The following USP9X variants were observed in gnomAD, a reference collection of about 807,000 sequenced individuals.
The protein encoded by USP9X is ubiquitin specific peptidase 9 X-linked.
USP9X carries 7 observed loss-of-function variants against 190.3 expected under a neutral mutation model. The observed-to-expected ratio is 0.04, with a 90% CI of 0.02 to 0.07. The LOEUF (loss-of-function observed/expected upper bound fraction) is 0.07, where lower values mean the gene tolerates loss of function less well. Ranked by LOEUF, USP9X falls within the 10% of genes least tolerant of loss-of-function variation. The probability of loss-of-function intolerance (pLI) is 1.00; values close to 1 mark genes in which losing one functional copy is unlikely to be tolerated. For missense variants in USP9X, 1,010 were observed against 1,916.9 expected (o/e 0.53, Z 8.83); for synonymous variants, 645 against 659.5 (o/e 0.98, Z 0.34).
chrX:41,151,774 A>G (rs2062527881), intron 13 of USP9X, among the ~76,000 whole-genome samples: 1 of 112,665 alleles, frequency 8.9e-6, no homozygotes, highest in Non-Finnish European at 1.9e-5. Flanking sequence ...TGAGGCCAGG[A>G]GTTCGAGACC....
chrX:41,189,062 TAGTGTGCTC>T (rs750836210), intron 25 of USP9X, among the ~76,000 whole-genome samples: 1 of 111,995 alleles, frequency 8.9e-6, no homozygotes, highest in East Asian at 2.8e-4. Context: ...AAAAGATAGG[TAGTGTGCTC>T]AGTGTGCTCC....
chrX:41,086,243 T>G, intron 1 of USP9X, 134 bp downstream of exon 1: 2 of 260,405 alleles, frequency 7.7e-6, no homozygotes, highest in Non-Finnish European at 1.4e-5. Flanking sequence ...AGGCTGGGGC[T>G]TCCCCGTTCC....
At chrX:41,122,374 A>G (rs1397139483) in intron 1 of USP9X, among the ~76,000 whole-genome samples, 1 of 112,400 alleles carries the variant, frequency 8.9e-6, no homozygotes, top group African/African-American at 3.2e-5. Context: ...AGTATCAGTG[A>G]TAAACGTTAG....
At chrX:41,200,471 C>A (rs1335926293) in intron 30 of USP9X, among the ~76,000 whole-genome samples, 1 of 111,732 alleles carries the variant, frequency 8.9e-6, no homozygotes, top group Non-Finnish European at 1.9e-5. Context: ...TATCACAAAT[C>A]TGCTGTCTTG....
chrX:41,130,677 G>C (rs1181387401), intron 3 of USP9X, among the ~76,000 whole-genome samples: 1 of 103,515 alleles, frequency 9.7e-6, no homozygotes, highest in Non-Finnish European at 2.0e-5. Context: ...GTAGAGATGG[G>C]GTTTCACCAT....
Position 41,214,583 on chromosome X carries a change from A to G in USP9X, c.5205A>G (p.Glu1735=). ...QGCPHRYECE[E]SFTTLNVDIR... is the part of the protein sequence containing the mutation. The stretch of plus-strand genomic sequence containing the variant: ...TCGTTTTTAGGTACGAATGTGAAGA[A>G]TCTTTTACGACCCTAAACGTAGACA... The change falls in exon 34 of 45, where the codon GAA becomes GAG. Residue 1735 remains glutamate, a synonymous_variant. Transcript: ENST00000378308. The G allele has an allele frequency of 8.5e-7, 1 of 1,176,171 alleles. No homozygotes were observed. The highest frequency in any genetic ancestry group is 1.1e-6 in the Non-Finnish European group (1 of 882,974).
intron 26 of USP9X, among the ~76,000 whole-genome samples, chrX:41,195,542 C>T (rs1301349525): frequency 9.0e-6 from 1 of 111,350 alleles, no homozygotes; most frequent in African/African-American, 3.3e-5. Context: ...CAGCAGTCCC[C>T]AACCCTTTTG....
chrX:41,169,782 C>T lies in USP9X; in HGVS notation c.2637-213C>T, dbSNP rs751482374. 2.7e-5 allele frequency among the ~76,000 whole-genome samples: 3 copies of T among 112,159 alleles called. No homozygotes were observed. The South Asian group carries it at 1.1e-3, about 42-fold the overall frequency. The stretch of plus-strand genomic sequence containing the variant: ...TATTTTCAAGATACTGAAAGTAATA[C>T]AGGTTGAGTATCCCTAATCCAAGAA... On this transcript the variant is annotated intron_variant, in intron 18 of 44. Transcript: ENST00000378308.
chrX:41,226,686 A>G (rs1450602793), intron 41 of USP9X, among the ~76,000 whole-genome samples: 1 of 112,617 alleles, frequency 8.9e-6, no homozygotes, highest in African/African-American at 3.2e-5. Flanking sequence ...TTCGTGAGAC[A>G]CAAAAGATAG....
At chrX:41,102,634 A>AGT (rs1298664419) in intron 1 of USP9X, among the ~76,000 whole-genome samples, 3 of 111,479 alleles carry the variant, frequency 2.7e-5, no homozygotes, top group Non-Finnish European at 5.6e-5. Flanking sequence ...AAAAAGAAAA[A>AGT]GTTAATTATT....
chrX:41,210,484 A>G (rs774453101), intron 32 of USP9X, 25 bp from the exon 33 acceptor site: 50 of 1,197,725 alleles, frequency 4.2e-5, no homozygotes, highest in African/African-American at 1.9e-4. Flanking sequence ...TACATGTTAC[A>G]TGTTTTATTT....
At chrX:41,171,248 A>G (rs943562083) in intron 20 of USP9X, among the ~76,000 whole-genome samples, 3 of 111,459 alleles carry the variant, frequency 2.7e-5, no homozygotes, top group African/African-American at 9.8e-5. Context: ...AGGCAGGAGG[A>G]TTGCTTGAGC....
In USP9X at chrX:41,214,626, C is replaced by A; in HGVS notation, c.5248C>A (p.Leu1750Ile). Reference sequence around the variant, plus strand: ...CGTAGACATTAGAAATCACCAAAATCTTCTTGATTCTTTGGAACAGTATGT... The same window carrying A: ...CGTAGACATTAGAAATCACCAAAATATTCTTGATTCTTTGGAACAGTATGT... Reference protein sequence around the residue: ...LNVDIRNHQNLLDSLEQYVKG... With the variant: ...LNVDIRNHQNILDSLEQYVKG... Residue 1750 changes from leucine (L) to isoleucine (I), a missense_variant, in exon 34 of 45, where the codon CTT becomes ATT. By Grantham distance (5) the Leu-to-Ile change is conservative (BLOSUM62 2). This residue lies in a region of USP9X where 120 missense variants were observed against 342.7 expected (regional missense o/e 0.35). Transcript: ENST00000378308. 8.3e-7 allele frequency: 1 copy of A among 1,198,190 alleles called. No homozygotes were observed. Among genetic ancestry groups the A allele is most frequent in the Non-Finnish European group, 1.1e-6 (1 of 890,393 alleles).
chrX:41,140,939 A>G (rs1219669241), intron 7 of USP9X, 27 bp from the exon 8 acceptor site: 15 of 1,149,402 alleles, frequency 1.3e-5, no homozygotes, highest in East Asian at 3.0e-5. Context: ...GCGTATTTAC[A>G]GGAGTTTTGT....
chrX:41,147,901 A>G (rs1731148694), intron 11 of USP9X, among the ~76,000 whole-genome samples: 1 of 111,950 alleles, frequency 8.9e-6, no homozygotes, highest in African/African-American at 3.3e-5. Context: ...TATTTGGCTT[A>G]TGATTCTGGA....
At chrX:41,208,730 T>C (rs1256460301) in intron 32 of USP9X, among the ~76,000 whole-genome samples, 1 of 110,385 alleles carries the variant, frequency 9.1e-6, no homozygotes, top group Non-Finnish European at 1.9e-5. Context: ...TTTTTTGAGA[T>C]GGAGTCTCGC....
At position 41,189,428 on chromosome X, in the gene USP9X, G is replaced by A. The variant is rs1020420518; in HGVS notation, c.3930G>A (p.Lys1310=). ...PTALDALSKE[K]AWQTFIIDLL... ...CCTTAGATGCTCTTAGTAAAGAAAAGGCTTGGCAGACATTCATCATTGACT... is the reference window on the plus strand; with the variant it reads ...CCTTAGATGCTCTTAGTAAAGAAAAAGCTTGGCAGACATTCATCATTGACT... The change falls in exon 26 of 45, where the codon AAG becomes AAA. Residue 1310 remains lysine (K), a synonymous_variant. Transcript: ENST00000378308. 1.7e-6 allele frequency: 2 copies of A among 1,210,525 alleles called. No individual in the cohort carries two copies. Among genetic ancestry groups the A allele is most frequent in the Non-Finnish European group, 2.2e-6 (2 of 894,693 alleles).
At chrX:41,190,490 G>A (rs774391414) in intron 26 of USP9X, among the ~76,000 whole-genome samples, 16 of 111,433 alleles carry the variant, frequency 1.4e-4, no homozygotes, top group Middle Eastern at 4.7e-3. Flanking sequence ...CTACCTCCTT[G>A]AGAAGACAAT....
intron 21 of USP9X, among the ~76,000 whole-genome samples, chrX:41,174,984 G>T (rs1250999715): frequency 9.4e-6 from 1 of 105,918 alleles, no homozygotes; most frequent in Non-Finnish European, 2.0e-5. Context: ...TCTGTCTGAA[G>T]AAAAAAAAAA....
Sources: gnomAD v4.1 joint callset for allele counts (sites outside exome capture counted in the v4.1 genomes callset) on GRCh38, gnomAD v4.1.1 for gene constraint, gnomAD v4.1.1 regional missense constraint, MANE v1.5 for transcripts, NCBI Gene and HGNC (gene_info 2026-07-23, HGNC 2026-07-21) for gene names.